ZNF469: variants seen among roughly 807,000 people sequenced by gnomAD.
ZNF469 encodes the protein zinc finger protein 469.
Under a neutral mutation model 1.0 loss-of-function variants are expected in ZNF469, and 1 was observed. The ratio of observed to expected loss-of-function variants is 1.00; its 90% CI spans 0.35 to 4.73. The LOEUF is 4.73. ZNF469 is among the 30% of genes most tolerant of loss of function. The probability of loss-of-function intolerance (pLI) is 0.16; values close to 1 mark genes in which losing one functional copy is unlikely to be tolerated. For synonymous variants in ZNF469, 2,703 were observed against 2,363.4 expected, an observed-to-expected ratio of 1.14 and a Z score of -4.17; for missense variants, 6,100 against 5,356.3, an observed-to-expected ratio of 1.14 and a Z score of -4.33.
chr16:88,226,140 G>A, the ZNF469 span, among the ~76,000 whole-genome samples: 2 of 152,216 alleles, frequency 1.3e-5, no homozygotes, highest in African/African-American at 2.4e-5. Flanking sequence ...TGTGCTGGGG[G>A]TGGAGGGTGC....
upstream of ZNF469, among the ~76,000 whole-genome samples, chr16:88,381,099 C>T (rs111164432): frequency 0.034 from 4,831 of 140,364 alleles, 118 homozygotes; most frequent in South Asian, 0.08. Flanking sequence ...CTCACACACC[C>T]GGACATGCAC....
intron 1 of ZNF469, among the ~76,000 whole-genome samples, chr16:88,399,563 G>A (rs2142272527): frequency 6.6e-6 from 1 of 152,318 alleles, no homozygotes. Flanking sequence ...CCAGGCTGGA[G>A]CAGGGACAAC....
chr16:88,353,237 T>G, the ZNF469 span, among the ~76,000 whole-genome samples: 1 of 152,212 alleles, frequency 6.6e-6, no homozygotes, highest in South Asian at 2.1e-4. Flanking sequence ...ACTCGAGACG[T>G]CACAATACGC....
chr16:88,213,358 C>T, the ZNF469 span, among the ~76,000 whole-genome samples: 1 of 152,178 alleles, frequency 6.6e-6, no homozygotes, highest in African/African-American at 2.4e-5. Flanking sequence ...CTCGGCCTCC[C>T]AAAGTGCTGG....
the ZNF469 span, among the ~76,000 whole-genome samples, chr16:88,141,227 T>G: frequency 6.6e-6 from 1 of 152,254 alleles, no homozygotes; most frequent in Non-Finnish European, 1.5e-5. Context: ...CCCCAAATTC[T>G]AATCCCAAAA....
rs1295528131 is a variant in ZNF469 at position 88,428,431 on chromosome 16, G to T, written c.961G>T (p.Gly321Cys). ...GAWPEEAVGTGPAYPLPTQPA... is the reference protein window; with the variant it reads ...GAWPEEAVGTCPAYPLPTQPA... ...GTGGCCGGAGGAGGCCGTGGGCACGGGCCCTGCCTACCCGCTGCCCACCCA... is the reference window on the plus strand; with the variant it reads ...GTGGCCGGAGGAGGCCGTGGGCACGTGCCCTGCCTACCCGCTGCCCACCCA... The change falls in exon 3 of 3, where the codon GGC (glycine) becomes TGC (cysteine). Residue 321 changes from glycine to cysteine, a missense_variant. By Grantham distance (159) the Gly-to-Cys change is radical (BLOSUM62 -3). Coordinates refer to ENST00000565624, the MANE Select transcript of ZNF469 (RefSeq NM_001367624.2). The T allele has an allele frequency of 6.5e-7, 1 of 1,548,144 alleles. No individual in the cohort carries two copies. The highest frequency in any genetic ancestry group is 1.4e-5 in the African/African-American group (1 of 73,118).
the ZNF469 span, among the ~76,000 whole-genome samples, chr16:88,137,985 G>C: frequency 6.6e-6 from 1 of 152,144 alleles, no homozygotes; most frequent in African/African-American, 2.4e-5. Context: ...AACAGAGCCT[G>C]GAGAGTTGCT....
chr16:88,402,442 G>A (rs1904909189), intron 1 of ZNF469, among the ~76,000 whole-genome samples: 1 of 152,144 alleles, frequency 6.6e-6, no homozygotes, highest in Non-Finnish European at 1.5e-5. Context: ...TGGGAGGGAG[G>A]ATGGTGAGGA....
At chr16:88,116,167 T>G in the ZNF469 span, among the ~76,000 whole-genome samples, 53 of 152,278 alleles carry the variant, frequency 3.5e-4, no homozygotes, top group African/African-American at 1.2e-3. Flanking sequence ...ATGGGCAAGA[T>G]GTGGGGGGTG....
the ZNF469 span, among the ~76,000 whole-genome samples, chr16:88,291,431 G>A: frequency 1.6e-4 from 25 of 152,194 alleles, no homozygotes; most frequent in African/African-American, 4.8e-4. Flanking sequence ...AATAAGACGC[G>A]TTCATAAACT....
chr16:88,240,645 G>T, the ZNF469 span, among the ~76,000 whole-genome samples: 2 of 152,112 alleles, frequency 1.3e-5, no homozygotes, highest in Non-Finnish European at 2.9e-5. Context: ...GCTGGAGAGT[G>T]GGTATCTGCC....
the ZNF469 span, among the ~76,000 whole-genome samples, chr16:88,275,152 G>A: frequency 1.3e-5 from 2 of 152,110 alleles, no homozygotes; most frequent in Admixed American, 6.5e-5. Flanking sequence ...CAGTGGAGAC[G>A]GGAGCCTGCC....
the ZNF469 span, among the ~76,000 whole-genome samples, chr16:88,114,655 C>T: frequency 1.9e-4 from 29 of 152,250 alleles, no homozygotes; most frequent in Admixed American, 3.9e-4. Context: ...TTGCCCTGGG[C>T]GTCTGGGACC....
the ZNF469 span, among the ~76,000 whole-genome samples, chr16:88,350,130 C>G: frequency 2.0e-5 from 3 of 152,178 alleles, no homozygotes; most frequent in Non-Finnish European, 2.9e-5. Flanking sequence ...AGGGTGCAAT[C>G]ATGGAGCTGC....
chr16:88,432,297 G>A lies in ZNF469; in HGVS notation c.4827G>A (p.Arg1609=). 6.5e-7 allele frequency: 1 copy of A among 1,547,146 alleles called. No homozygotes were observed. The highest frequency in any genetic ancestry group is 8.7e-7 in the Non-Finnish European group (1 of 1,146,970). ...LGTGTEPPSQ[R]RTCQATVPHE... Reference sequence around the variant, plus strand: ...CAGGCACAGAGCCACCCTCCCAACGGCGCACCTGCCAGGCCACCGTGCCCC... The same window carrying A: ...CAGGCACAGAGCCACCCTCCCAACGACGCACCTGCCAGGCCACCGTGCCCC... The change falls in exon 3 of 3, where the codon CGG becomes CGA. Residue 1609 remains arginine (R), a synonymous_variant. Transcript: ENST00000565624.
chr16:88,437,115 C>T lies in ZNF469; in HGVS notation c.9645C>T (p.Pro3215=), dbSNP rs913942234. ...CGCGGAGGTCCTTGGGGGACCTGCC[C>T]GGAGGCCTGGAGGGCAGCAGCGCTG... ...GQARRSLGDL[P]GGLEGSSAVA... Residue 3215 remains proline, a synonymous_variant, in exon 3 of 3, where the codon CCC becomes CCT. Coordinates refer to ENST00000565624, the MANE Select transcript of ZNF469 (RefSeq NM_001367624.2). The T allele has an allele frequency of 3.9e-6, 6 of 1,547,832 alleles. No individual in the cohort carries two copies. Among genetic ancestry groups the T allele is most frequent in the Non-Finnish European group, 4.4e-6 (5 of 1,146,520 alleles).
the ZNF469 span, among the ~76,000 whole-genome samples, chr16:88,270,589 C>T: frequency 1.3e-5 from 2 of 152,356 alleles, no homozygotes; most frequent in Admixed American, 1.3e-4. Context: ...CTGCAGCATA[C>T]AAAACCAAAG....
At chr16:88,333,741 G>A in the ZNF469 span, among the ~76,000 whole-genome samples, 3 of 136,976 alleles carry the variant, frequency 2.2e-5, no homozygotes, top group Non-Finnish European at 4.9e-5. Flanking sequence ...CGCGAGGTGG[G>A]GCTGGTAGTA....
In ZNF469 at chr16:88,424,825, T is replaced by C. The variant is rs1031274518; in HGVS notation, c.-173T>C. Among the ~76,000 whole-genome samples the C allele has an allele frequency of 2.6e-5, 4 of 152,112 alleles. No individual in the cohort carries two copies. The highest frequency in any genetic ancestry group is 1.3e-4 in the Admixed American group (2 of 15,286). ...TTTGCAGCCAAGAAATTCTCATTCC[T>C]CAGGAAGTTGTGCGGCGACCCAGCT... On this transcript the variant is annotated 5_prime_UTR_variant, in exon 2 of 3. Transcript: ENST00000565624. The surrounding 1 kb of genome is among the most constrained non-coding windows in gnomAD (Gnocchi z 4.3).
Sources: allele counts gnomAD v4.1 joint callset (sites outside exome capture counted in the v4.1 genomes callset), GRCh38; gene constraint gnomAD v4.1.1; non-coding constraint Gnocchi (gnomAD v3.1); transcripts MANE v1.5; gene names NCBI Gene and HGNC (gene_info 2026-07-23, HGNC 2026-07-21).